Variants in CTNNA3 observed in about 807,000 individuals in gnomAD.
CTNNA3 encodes catenin alpha-3.
Under a neutral mutation model 95.7 loss-of-function variants are expected in CTNNA3, and 76 were observed. That is an observed-to-expected ratio of 0.79 (90% confidence interval 0.66 to 0.96). The LOEUF (loss-of-function observed/expected upper bound fraction) is 0.96. CTNNA3 is among the 40% of genes least tolerant of loss of function. CTNNA3 has a pLI of 0.00. For missense variants in CTNNA3, 1,191 were observed against 1,089.8 expected, an observed-to-expected ratio of 1.09 and a Z score of -1.31; for synonymous variants, 431 against 374.4, an observed-to-expected ratio of 1.15 and a Z score of -1.74.
chr10:67,227,681 C>T (rs1425637185), intron 5 of CTNNA3, among the ~76,000 whole-genome samples: 2 of 152,074 alleles, frequency 1.3e-5, no homozygotes, highest in African/African-American at 4.8e-5. Context: ...TAAATTATAC[C>T]TTGGAACAAA....
chr10:67,389,908 AG>A (rs1489764653), intron 5 of CTNNA3, among the ~76,000 whole-genome samples: 1 of 151,532 alleles, frequency 6.6e-6, no homozygotes, highest in Non-Finnish European at 1.5e-5. Context: ...CATTCAAAGC[AG>A]TGTGTAGAGG....
At chr10:66,412,045 C>T (rs1911490) in intron 11 of CTNNA3, among the ~76,000 whole-genome samples, 58,164 of 151,852 alleles carry the variant, frequency 0.38, 11,696 homozygotes, top group African/African-American at 0.5. Context: ...AAGTTTCCTA[C>T]GGCAAAATTG....
At chr10:67,735,369 A>G (rs553362377) in intron 1 of CTNNA3, among the ~76,000 whole-genome samples, 1 of 152,318 alleles carries the variant, frequency 6.6e-6, no homozygotes, top group African/African-American at 2.4e-5. Flanking sequence ...AATATAGTAC[A>G]TCAACTCAAT....
intron 5 of CTNNA3, among the ~76,000 whole-genome samples, chr10:67,466,619 G>A (rs1291745800): frequency 6.6e-6 from 1 of 152,182 alleles, no homozygotes; most frequent in Non-Finnish European, 1.5e-5. Context: ...ATATGGGTTT[G>A]CTATATCCAA....
rs1235942054 is a variant in CTNNA3, at chr10:66,186,741, A to C, written c.1885-83492T>G. On this transcript the variant is annotated intron_variant, in intron 13 of 17. Transcript: ENST00000433211. ...CAAACAATGTTAAACATCAATGAAG[A>C]CTATCAAGAATTTGGTGTCGTTGTG... Among the ~76,000 whole-genome samples the C allele has an allele frequency of 3.3e-5, 5 of 152,176 alleles. No individual in the cohort carries two copies. In the South Asian group the frequency reaches 1.0e-3, roughly 32 times the overall value.
At chr10:67,361,424 A>G (rs1215229054) in intron 5 of CTNNA3, among the ~76,000 whole-genome samples, 1 of 152,122 alleles carries the variant, frequency 6.6e-6, no homozygotes, top group Non-Finnish European at 1.5e-5. Context: ...TACCAACCAT[A>G]CTCTTGGACC....
At chr10:66,163,697 T>C (rs2084971706) in intron 13 of CTNNA3, among the ~76,000 whole-genome samples, 2 of 152,216 alleles carry the variant, frequency 1.3e-5, no homozygotes, top group Admixed American at 6.5e-5. Context: ...ATAAGCTATA[T>C]GCACAAGGAG....
At chr10:66,632,734 A>T (rs1350447663) in intron 9 of CTNNA3, among the ~76,000 whole-genome samples, 2 of 152,150 alleles carry the variant, frequency 1.3e-5, no homozygotes, top group African/African-American at 2.4e-5. Context: ...ATTACTACAT[A>T]AAAAATTTTA....
chr10:66,823,379 T>G (rs1842369421), intron 7 of CTNNA3, among the ~76,000 whole-genome samples: 1 of 151,246 alleles, frequency 6.6e-6, no homozygotes, highest in Non-Finnish European at 1.5e-5. Context: ...AACAGATGTT[T>G]TATGTGAATT....
At chr10:67,097,547 T>C in intron 7 of CTNNA3, 3 of 1,570,536 alleles carry the variant, frequency 1.9e-6, no homozygotes, top group Non-Finnish European at 2.6e-6. Context: ...AAGTTGTCCA[T>C]ATTTTTATAA....
Position 66,018,187 on chromosome 10 carries a change from T to TACAC in CTNNA3, c.2160-29394_2160-29391dup, listed in dbSNP as rs59373779. On this transcript the variant is annotated intron_variant, in intron 15 of 17. Coordinates refer to ENST00000433211, the MANE Select transcript of CTNNA3 (RefSeq NM_013266.4). ...GTTCTATATGAGGATACAGCTCAAA[T>TACAC]ACACACACACACACACACACACACA... is the stretch of plus-strand genomic sequence containing the variant. 5.8e-3 allele frequency among the ~76,000 whole-genome samples: 819 copies of TACAC among 142,150 alleles called. 12 individuals are homozygous for TACAC. Among genetic ancestry groups the TACAC allele is most frequent in the African/African-American group, 0.017 (662 of 38,000 alleles). 93.3% of individuals were successfully genotyped at this position (142,150 alleles called of 152,430 possible).
intron 10 of CTNNA3, among the ~76,000 whole-genome samples, chr10:66,614,492 C>T (rs1194623605): frequency 1.3e-5 from 2 of 151,900 alleles, no homozygotes. Context: ...CATGCCCTAG[C>T]CCAAATACTT....
intron 11 of CTNNA3, among the ~76,000 whole-genome samples, chr10:66,440,397 C>G (rs1330471089): frequency 6.6e-6 from 1 of 151,916 alleles, no homozygotes; most frequent in Non-Finnish European, 1.5e-5. Flanking sequence ...AAACCTGAAA[C>G]ACTTTAAACA....
chr10:66,320,060 GT>G, intron 12 of CTNNA3, among the ~76,000 whole-genome samples: 1 of 152,210 alleles, frequency 6.6e-6, no homozygotes, highest in South Asian at 2.1e-4. Context: ...TTATACCTAC[GT>G]TGTGGGGCTG....
intron 7 of CTNNA3, among the ~76,000 whole-genome samples, chr10:67,163,880 T>G (rs114075230): frequency 8.6e-5 from 13 of 151,954 alleles, no homozygotes; most frequent in Non-Finnish European, 1.8e-4. Context: ...TAATAACATT[T>G]ATAATACCTG....
At chr10:66,943,276 T>C (rs1434464510) in intron 7 of CTNNA3, among the ~76,000 whole-genome samples, 4 of 152,122 alleles carry the variant, frequency 2.6e-5, no homozygotes, top group Non-Finnish European at 1.5e-5. Context: ...ATAGAGCTGT[T>C]GTGTGGATTC....
chr10:67,566,043 G>GTATATATATATATATA lies in CTNNA3; in HGVS notation c.293-26390_293-26375dup, dbSNP rs772272609. 8.7e-3 allele frequency among the ~76,000 whole-genome samples: 235 copies of GTATATATATATATATA among 26,908 alleles called. 28 individuals carry two copies. The highest frequency in any genetic ancestry group is 0.01 in the Non-Finnish European group (160 of 15,804). 17.7% of individuals were successfully genotyped at this position (26,908 alleles called of 152,430 possible). ...CACACACACACACATATGTGTGTGT[G>GTATATATATATATATA]TATATATATATATATATATATATAT... On this transcript the variant is annotated intron_variant, in intron 3 of 17. Coordinates refer to ENST00000433211, the MANE Select transcript of CTNNA3 (RefSeq NM_013266.4).
intron 7 of CTNNA3, among the ~76,000 whole-genome samples, chr10:67,005,682 CTTTTTTTTT>C (rs11369576): frequency 1.6e-5 from 1 of 61,976 alleles, no homozygotes; most frequent in Non-Finnish European, 2.9e-5. Flanking sequence ...TTTACTCCAT[CTTTTTTTTT>C]TTTTTTTTTT....
intron 5 of CTNNA3, among the ~76,000 whole-genome samples, chr10:67,420,301 G>T (rs1261141476): frequency 2.0e-5 from 3 of 152,096 alleles, no homozygotes; most frequent in Non-Finnish European, 1.5e-5. Flanking sequence ...TAATTAAAAT[G>T]CTCTTTTTCA....
Sources: gnomAD v4.1 joint callset for allele counts (sites outside exome capture counted in the v4.1 genomes callset) on GRCh38, gnomAD v4.1.1 for gene constraint, MANE v1.5 for transcripts, NCBI Gene and HGNC (gene_info 2026-07-23, HGNC 2026-07-21) for gene names.